Variants in SNX4 observed in about 807,000 individuals in gnomAD.
The protein encoded by SNX4 is sorting nexin-4.
SNX4 carries 49 observed loss-of-function variants against 70.8 expected under a neutral mutation model. The observed-to-expected ratio is 0.69, with a 90% confidence interval of 0.55 to 0.88. The LOEUF (loss-of-function observed/expected upper bound fraction) is 0.88. Among genes scored for constraint, SNX4 ranks in the 40% least tolerant of loss-of-function variants. The pLI is 0.00. For synonymous variants in SNX4, 206 were observed against 183.8 expected (o/e 1.12, Z -0.98); for missense variants, 528 against 544.8 (o/e 0.97, Z 0.31).
In SNX4 at chr3:125,498,179, G is replaced by A. The variant is rs750692715; in HGVS notation, c.279C>T (p.Thr93=). The change falls in exon 3 of 14, where the codon ACC becomes ACT. Residue 93 remains threonine, a synonymous_variant. Transcript: ENST00000251775. ...AGTCTGTTAGGACACTCTGACCATC[G>A]GTATGTTCAACTGACCTGAAAAGGA... ...YLIETRSVEH[T]DGQSVLTDSL... 65 of 1,613,436 alleles carry A rather than the reference G, an allele frequency of 4.0e-5. No individual in the cohort carries two copies. Among genetic ancestry groups the A allele is most frequent in the Non-Finnish European group, 5.2e-5 (61 of 1,179,854 alleles).
intron 9 of SNX4, among the ~76,000 whole-genome samples, chr3:125,468,704 C>T (rs1487212141): frequency 6.6e-6 from 1 of 151,964 alleles, no homozygotes; most frequent in Non-Finnish European, 1.5e-5. Flanking sequence ...AAATAATTAG[C>T]CAGGCGTGGT....
At chr3:125,500,602 C>T (rs1046859520) in intron 2 of SNX4, among the ~76,000 whole-genome samples, 10 of 151,726 alleles carry the variant, frequency 6.6e-5, no homozygotes, top group Admixed American at 5.9e-4. Context: ...AAGATCAAGA[C>T]GATCCTGGCT....
At position 125,498,052 on chromosome 3, in the gene SNX4, T is replaced by C; in HGVS notation, c.399+7A>G. The C allele has an allele frequency of 6.2e-7, 1 of 1,614,126 alleles. No homozygotes were observed. Among genetic ancestry groups the C allele is most frequent in the Non-Finnish European group, 8.5e-7 (1 of 1,180,018 alleles). On this transcript the variant is annotated splice_region_variant and intron_variant, in intron 3 of 13. Transcript: ENST00000251775. ...TACTTCTAAACTACTGCCATTTCACTTCTTACCCGTTTTTCTGGCAGAGGT... is the reference window on the plus strand; with the variant it reads ...TACTTCTAAACTACTGCCATTTCACCTCTTACCCGTTTTTCTGGCAGAGGT...
chr3:125,468,085 G>A (rs1400565004), intron 9 of SNX4, among the ~76,000 whole-genome samples: 3 of 152,032 alleles, frequency 2.0e-5, no homozygotes, highest in African/African-American at 7.3e-5. Flanking sequence ...GCAGCAATAA[G>A]GATGCAGCAA....
chr3:125,457,572 C>CTTTTTTTTTTTTTTT (rs1005344428), intron 10 of SNX4, among the ~76,000 whole-genome samples: 1 of 110,438 alleles, frequency 9.1e-6, no homozygotes, highest in Non-Finnish European at 1.8e-5. Flanking sequence ...TTCATATATT[C>CTTTTTTTTTTTTTTT]TTTTTTTTTT....
intron 5 of SNX4, among the ~76,000 whole-genome samples, chr3:125,492,771 G>A (rs576221349): frequency 6.6e-6 from 1 of 152,252 alleles, no homozygotes; most frequent in African/African-American, 2.4e-5. Context: ...ACGCTTAGAA[G>A]AGTACCTCAC....
intron 6 of SNX4, among the ~76,000 whole-genome samples, chr3:125,483,861 A>G (rs547926856): frequency 2.1e-4 from 32 of 152,374 alleles, no homozygotes; most frequent in African/African-American, 7.7e-4. Context: ...AAACGAGGGT[A>G]TAACTTCTTA....
At chr3:125,512,491 TAA>T (rs371726109) in intron 1 of SNX4, among the ~76,000 whole-genome samples, 1 of 152,078 alleles carries the variant, frequency 6.6e-6, no homozygotes, top group Non-Finnish European at 1.5e-5. Flanking sequence ...GTAGATGATA[TAA>T]AATTACTGAA....
At chr3:125,507,958 A>T (rs1275721867) in intron 1 of SNX4, among the ~76,000 whole-genome samples, 1 of 152,178 alleles carries the variant, frequency 6.6e-6, no homozygotes, top group Non-Finnish European at 1.5e-5. Flanking sequence ...AATTATAAAA[A>T]TAAGTCCATT....
chr3:125,490,364 T>C (rs1934625629), intron 5 of SNX4, among the ~76,000 whole-genome samples: 2 of 148,910 alleles, frequency 1.3e-5, no homozygotes, highest in Admixed American at 6.7e-5. Flanking sequence ...CTACTAAAAA[T>C]ACAAAAAATT....
At chr3:125,470,524 T>C (rs1934140337) in intron 8 of SNX4, among the ~76,000 whole-genome samples, 1 of 151,108 alleles carries the variant, frequency 6.6e-6, no homozygotes, top group Non-Finnish European at 1.5e-5. Flanking sequence ...ACATTTTGTG[T>C]ACAATTTCAG....
rs1934831739 is a variant in SNX4, at chr3:125,497,850, T to G, written c.533A>C (p.Tyr178Ser). The change falls in exon 4 of 14, where the codon TAT becomes TCT. Residue 178 changes from tyrosine (Y) to serine (S), a missense_variant. By Grantham distance (144) the Tyr-to-Ser change is moderately radical. Transcript: ENST00000251775. ...GAAAAATACCTGTGTTAAAAACAGA[T>G]AGAAGATTTTGTCTCTACAAAGGAT... ...HPILCRDKIF[Y>S]LFLTQEGNWK... The G allele has an allele frequency of 6.2e-7, 1 of 1,605,592 alleles. No individual in the cohort carries two copies. The highest frequency in any genetic ancestry group is 2.2e-5 in the East Asian group (1 of 44,804).
At chr3:125,503,232 G>A (rs560527800) in intron 2 of SNX4, among the ~76,000 whole-genome samples, 44 of 152,166 alleles carry the variant, frequency 2.9e-4, no homozygotes, top group Non-Finnish European at 4.9e-4. Flanking sequence ...TAATTTTACC[G>A]GCTATCAACA....
chr3:125,470,938 CTCAG>C (rs570747771), intron 8 of SNX4, among the ~76,000 whole-genome samples: 283 of 152,198 alleles, frequency 1.9e-3, no homozygotes, highest in Non-Finnish European at 3.3e-3. Context: ...ACATGGTTTA[CTCAG>C]TCAGGCAGCT....
chr3:125,484,709 T>C (rs900470232), intron 6 of SNX4, among the ~76,000 whole-genome samples: 1 of 151,888 alleles, frequency 6.6e-6, no homozygotes, highest in Non-Finnish European at 1.5e-5. Flanking sequence ...GGCAAAAACA[T>C]GGCTAGGTGC....
intron 1 of SNX4, among the ~76,000 whole-genome samples, chr3:125,509,819 A>G (rs992695975): frequency 6.6e-6 from 1 of 152,068 alleles, no homozygotes; most frequent in African/African-American, 2.4e-5. Context: ...GGACTTGAAC[A>G]GACATTTATT....
At chr3:125,464,998 G>A (rs1473387566) in intron 9 of SNX4, among the ~76,000 whole-genome samples, 3 of 151,866 alleles carry the variant, frequency 2.0e-5, no homozygotes, top group African/African-American at 7.3e-5. Flanking sequence ...ACCCACCTTG[G>A]CCTCCCAAAG....
intron 9 of SNX4, among the ~76,000 whole-genome samples, chr3:125,468,818 C>T (rs1934099164): frequency 6.7e-6 from 1 of 150,004 alleles, no homozygotes; most frequent in South Asian, 2.1e-4. Flanking sequence ...CAATACCCTC[C>T]AGCCTGGGCA....
rs1933448759 is a variant in SNX4 at position 125,447,354 on chromosome 3, A to C, written c.*425T>G. The C allele has an allele frequency of 6.5e-6, 1 of 153,482 alleles. No individual in the cohort carries two copies. Among genetic ancestry groups the C allele is most frequent in the Non-Finnish European group, 1.5e-5 (1 of 68,690 alleles). The allele number at this position is 153,482 out of a possible 1,614,324, so 9.5% of individuals were successfully genotyped here. The stretch of plus-strand genomic sequence containing the variant: ...ATAGCTCAACTATAAGGCAAGAGAA[A>C]ACAACTCCCTATAACAGATTAGTGG... On this transcript the variant is annotated 3_prime_UTR_variant, in exon 14 of 14. Coordinates refer to ENST00000251775, the MANE Select transcript of SNX4 (RefSeq NM_003794.4).
Sources: allele counts gnomAD v4.1 joint callset (sites outside exome capture counted in the v4.1 genomes callset), GRCh38; gene constraint gnomAD v4.1.1; transcripts MANE v1.5; gene names NCBI Gene and HGNC (gene_info 2026-07-23, HGNC 2026-07-21).